The following KATNAL2 variants were observed in gnomAD, a reference collection of about 807,000 sequenced individuals.
KATNAL2 encodes the protein katanin p60 ATPase-containing subunit A-like 2.
KATNAL2 carries 52 observed loss-of-function variants against 76.3 expected under a neutral mutation model. That is an observed-to-expected ratio of 0.68 (90% CI 0.55 to 0.86). The LOEUF (loss-of-function observed/expected upper bound fraction) is 0.86. Among genes scored for constraint, KATNAL2 ranks in the 40% least tolerant of loss-of-function variants. The probability of loss-of-function intolerance (pLI) is 0.00; values close to 1 mark genes in which losing one functional copy is unlikely to be tolerated. For missense variants in KATNAL2, 660 were observed against 668.9 expected, an observed-to-expected ratio of 0.99 and a Z score of 0.15; for synonymous variants, 243 against 244.2, an observed-to-expected ratio of 1.00 and a Z score of 0.05.
chr18:47,085,695 C>T (rs1310680234), intron 15 of KATNAL2, among the ~76,000 whole-genome samples: 1 of 152,068 alleles, frequency 6.6e-6, no homozygotes, highest in Admixed American at 6.6e-5. Context: ...GCCTAGCCTC[C>T]GAAATTTGGG....
At position 47,056,410 on chromosome 18, in the gene KATNAL2, A is replaced by T. The variant is rs2061473072; in HGVS notation, c.333-1825A>T. Among the ~76,000 whole-genome samples the T allele has an allele frequency of 2.0e-5, 3 of 152,220 alleles. No homozygotes were observed. In the South Asian group the frequency reaches 6.2e-4, roughly 32 times the overall value. ...TGACCAGTATGAGGAACAATCTGGG[A>T]ACCAGGTAACTTTAGAAATGACTAG... On this transcript the variant is annotated intron_variant, in intron 6 of 17. Transcript: ENST00000683218.
intron 4 of KATNAL2, among the ~76,000 whole-genome samples, chr18:47,052,344 G>A (rs1192416139): frequency 1.3e-5 from 2 of 152,204 alleles, no homozygotes; most frequent in African/African-American, 4.8e-5. Context: ...CCAAGTGGAT[G>A]TTATCTTATA....
chr18:47,066,061 G>A (rs1214048489), intron 10 of KATNAL2, among the ~76,000 whole-genome samples: 1 of 151,552 alleles, frequency 6.6e-6, no homozygotes, highest in East Asian at 1.9e-4. Context: ...TGGATGGGTG[G>A]GGAGCAGGAG....
intron 3 of KATNAL2, among the ~76,000 whole-genome samples, chr18:47,031,959 C>G: frequency 6.6e-6 from 1 of 152,140 alleles, no homozygotes; most frequent in South Asian, 2.1e-4. Context: ...AACAAATGCC[C>G]TGCTTTATAA....
At chr18:46,927,043 T>G (rs570655708) in intron 1 of KATNAL2, among the ~76,000 whole-genome samples, 8 of 152,296 alleles carry the variant, frequency 5.3e-5, no homozygotes, top group Admixed American at 3.3e-4. Context: ...TATCCAATTT[T>G]CCAGTCTGTG....
intron 15 of KATNAL2, among the ~76,000 whole-genome samples, chr18:47,085,335 A>C (rs756090849): frequency 6.6e-6 from 1 of 152,142 alleles, no homozygotes; most frequent in African/African-American, 2.4e-5. Context: ...TCTTGCCTTT[A>C]ATCATTCCTG....
intron 1 of KATNAL2, among the ~76,000 whole-genome samples, chr18:46,935,959 A>G (rs1222615266): frequency 6.6e-6 from 1 of 152,150 alleles, no homozygotes; most frequent in Non-Finnish European, 1.5e-5. Flanking sequence ...GGAACTATAA[A>G]TGAACTATAA....
intron 15 of KATNAL2, among the ~76,000 whole-genome samples, chr18:47,090,583 T>C (rs537161177): frequency 2.0e-5 from 3 of 152,240 alleles, no homozygotes; most frequent in East Asian, 3.9e-4. Context: ...ACCGTGTGAT[T>C]GGTACAGACA....
intron 3 of KATNAL2, chr18:47,032,923 G>T: frequency 1.2e-6 from 2 of 1,609,580 alleles, no homozygotes; most frequent in Admixed American, 1.7e-5. Flanking sequence ...GTGTCCATTG[G>T]AAGTTTCGTT....
intron 3 of KATNAL2, among the ~76,000 whole-genome samples, chr18:46,947,462 T>C (rs2059415620): frequency 6.6e-6 from 1 of 152,110 alleles, no homozygotes; most frequent in Non-Finnish European, 1.5e-5. Flanking sequence ...TACAATACAT[T>C]AAGTGGTTTA....
rs564903959 is a variant in KATNAL2, at chr18:47,032,561, C to A, written c.52-13896C>A. 2.9e-4 allele frequency: 62 copies of A among 212,160 alleles called. 1 individual carries two copies. The highest frequency in any genetic ancestry group is 1.2e-3 in the African/African-American group (52 of 42,272). The allele number at this position is 212,160 out of a possible 1,614,324, so 13.1% of individuals were successfully genotyped here. On this transcript the variant is annotated intron_variant, in intron 3 of 17. Coordinates refer to ENST00000683218, the MANE Select transcript of KATNAL2 (RefSeq NM_001387690.1). The stretch of plus-strand genomic sequence containing the variant: ...CATGCTCAGCCTTTTATTAAAACAA[C>A]AACAACGGCAGCAACAGCAAACATT...
At chr18:47,098,447 T>C (rs921865105) in intron 15 of KATNAL2, 11 of 187,040 alleles carry the variant, frequency 5.9e-5, no homozygotes, top group African/African-American at 2.6e-4. Flanking sequence ...GTGAGACTTA[T>C]TCACTACCAT....
At chr18:46,931,103 A>AAATAATAATCAT in intron 1 of KATNAL2, among the ~76,000 whole-genome samples, 1 of 105,546 alleles carries the variant, frequency 9.5e-6, no homozygotes, top group East Asian at 2.5e-4. Context: ...CCGTCTCAGG[A>AAATAATAATCAT]AATAATAATA....
intron 5 of KATNAL2, 25 bp downstream of exon 5, chr18:47,053,071 A>T (rs1342110039): frequency 1.3e-6 from 2 of 1,540,758 alleles, no homozygotes; most frequent in African/African-American, 2.8e-5. Flanking sequence ...TCTAGAGATA[A>T]GGCTTTGTCT....
chr18:46,954,875 G>A (rs1459579061), intron 3 of KATNAL2, among the ~76,000 whole-genome samples: 2 of 151,950 alleles, frequency 1.3e-5, no homozygotes, highest in East Asian at 3.9e-4. Context: ...CTGGTCTTGA[G>A]CTCCTGACCT....
At chr18:47,071,900 A>G (rs1457965658) in intron 13 of KATNAL2, among the ~76,000 whole-genome samples, 3 of 148,990 alleles carry the variant, frequency 2.0e-5, no homozygotes, top group African/African-American at 7.4e-5. Flanking sequence ...AGCAAAAAAA[A>G]TTAATTAAAA....
intron 3 of KATNAL2, chr18:47,034,766 G>C: frequency 5.0e-6 from 8 of 1,612,700 alleles, no homozygotes; most frequent in Non-Finnish European, 6.8e-6. Flanking sequence ...GCCCGATAGC[G>C]GCCGGAATCA....
rs1342853996 is a variant in KATNAL2, at chr18:47,035,061, G to T, written c.52-11396G>T. ...CCAGCTTCTTCCACCGGGCCGCTAAGTCTCTGGCAAAGTCGCCCACGTGCT... is the reference window on the plus strand; with the variant it reads ...CCAGCTTCTTCCACCGGGCCGCTAATTCTCTGGCAAAGTCGCCCACGTGCT... On this transcript the variant is annotated intron_variant, in intron 3 of 17. Coordinates refer to ENST00000683218, the MANE Select transcript of KATNAL2 (RefSeq NM_001387690.1). The T allele has an allele frequency of 2.5e-6, 4 of 1,610,764 alleles. No individual in the cohort carries two copies. The highest frequency in any genetic ancestry group is 3.4e-6 in the Non-Finnish European group (4 of 1,179,738).
chr18:47,101,040 C>A lies in KATNAL2; in HGVS notation c.*35C>A. The stretch of plus-strand genomic sequence containing the variant: ...TACCCTGACCTGGCCACAAAGGCAA[C>A]CACAAAGACCTCCTAGTTTATTAAT... On this transcript the variant is annotated 3_prime_UTR_variant, in exon 18 of 18. Transcript: ENST00000683218. 1 of 1,609,402 alleles carries A rather than the reference C, an allele frequency of 6.2e-7. No homozygotes were observed. The highest frequency in any genetic ancestry group is 1.1e-5 in the South Asian group (1 of 90,902).
Sources: allele counts gnomAD v4.1 joint callset (sites outside exome capture counted in the v4.1 genomes callset), GRCh38; gene constraint gnomAD v4.1.1; transcripts MANE v1.5; gene names NCBI Gene and HGNC (gene_info 2026-07-23, HGNC 2026-07-21).